Variants in GLI3 observed in about 807,000 individuals in gnomAD.
The protein encoded by GLI3 is GLI family zinc finger 3, also known as transcription activator GLI3.
Under a neutral mutation model 100.8 loss-of-function variants are expected in GLI3, and 20 were observed. That is an observed-to-expected ratio of 0.20 (90% confidence interval 0.14 to 0.29). The LOEUF is 0.29. Among genes scored for constraint, GLI3 ranks in the 10% least tolerant of loss-of-function variants. The pLI is 1.00. For synonymous variants in GLI3, 938 were observed against 860.5 expected (o/e 1.09, Z -1.58); for missense variants, 2,040 against 2,128.5 (o/e 0.96, Z 0.82).
chr7:42,108,263 C>T (rs1785623101), intron 3 of GLI3, among the ~76,000 whole-genome samples: 1 of 152,144 alleles, frequency 6.6e-6, no homozygotes, highest in Non-Finnish European at 1.5e-5. Flanking sequence ...TTGTACAGCC[C>T]ACCACGGAAT....
chr7:42,157,148 T>C (rs1319563764), intron 2 of GLI3, among the ~76,000 whole-genome samples: 1 of 152,194 alleles, frequency 6.6e-6, no homozygotes, highest in Non-Finnish European at 1.5e-5. Flanking sequence ...CTACACTCAA[T>C]CAGCCTCTGG....
intron 2 of GLI3, among the ~76,000 whole-genome samples, chr7:42,183,419 A>G (rs1787656695): frequency 6.6e-6 from 1 of 152,162 alleles, no homozygotes; most frequent in Non-Finnish European, 1.5e-5. Context: ...GGGGCAAATC[A>G]GGAAGGGGCC....
chr7:42,231,019 T>C (rs1001926762), intron 1 of GLI3, among the ~76,000 whole-genome samples: 3 of 152,238 alleles, frequency 2.0e-5, no homozygotes, highest in African/African-American at 7.2e-5. Context: ...CTGAGGCTTA[T>C]AGGAATTAAA....
chr7:42,053,577 G>A (rs951999526), intron 4 of GLI3, among the ~76,000 whole-genome samples: 4 of 152,136 alleles, frequency 2.6e-5, no homozygotes, highest in African/African-American at 9.7e-5. Flanking sequence ...ATTAAAAGTA[G>A]TGCCAGGAAA....
At chr7:42,209,986 G>GGA (rs1788231775) in intron 2 of GLI3, among the ~76,000 whole-genome samples, 1 of 33,272 alleles carries the variant, frequency 3.0e-5, no homozygotes, top group Admixed American at 5.9e-4. Context: ...TTAAGAATCT[G>GGA]AAAAAAAAAA....
intron 9 of GLI3, 47 bp downstream of exon 9, chr7:42,025,217 A>G: frequency 8.0e-7 from 1 of 1,248,476 alleles, no homozygotes; most frequent in South Asian, 1.2e-5. Flanking sequence ...CAAAGACACC[A>G]GTCTTGGGAG....
chr7:42,209,664 C>T (rs773677278), intron 2 of GLI3, among the ~76,000 whole-genome samples: 5 of 152,056 alleles, frequency 3.3e-5, no homozygotes, highest in Non-Finnish European at 5.9e-5. Context: ...CCAAGTCCTT[C>T]GTTTTCACAG....
At position 42,076,774 on chromosome 7, in the gene GLI3, A is replaced by T; in HGVS notation, c.451T>A (p.Ser151Thr). The change falls in exon 4 of 15, where the codon TCT (serine) becomes ACT (threonine). Residue 151 changes from serine to threonine, a missense_variant. Physicochemically the swap from Ser to Thr is moderately conservative, Grantham distance 58 (BLOSUM62 1). Transcript: ENST00000395925. ...TACATATGCAATGGAGGAATCGGAG[A>T]TGGATCGTAATGGTAACGGCCCTCA... ...HHEGRYHYDP[S>T]PIPPLHMTSA... 1 of 1,603,734 alleles carries T rather than the reference A, an allele frequency of 6.2e-7. No homozygotes were observed. The highest frequency in any genetic ancestry group is 8.5e-7 in the Non-Finnish European group (1 of 1,170,474).
intron 2 of GLI3, among the ~76,000 whole-genome samples, chr7:42,174,014 G>A (rs1376268189): frequency 6.6e-6 from 1 of 152,074 alleles, no homozygotes; most frequent in Non-Finnish European, 1.5e-5. Context: ...AGGCCAAAAG[G>A]CAAATGGAAA....
intron 3 of GLI3, among the ~76,000 whole-genome samples, chr7:42,130,810 A>T (rs189022887): frequency 8.1e-4 from 124 of 152,348 alleles, no homozygotes; most frequent in East Asian, 7.3e-3. Context: ...AATAAAAATT[A>T]AATTAAAACA....
intron 4 of GLI3, among the ~76,000 whole-genome samples, chr7:42,064,016 T>C (rs1784625070): frequency 6.6e-6 from 1 of 152,230 alleles, no homozygotes; most frequent in Non-Finnish European, 1.5e-5. Context: ...CCAAAGGGAA[T>C]CTATTTAAAT....
chr7:41,982,585 T>C (rs753010148), intron 10 of GLI3, among the ~76,000 whole-genome samples: 67 of 151,064 alleles, frequency 4.4e-4, no homozygotes, highest in Middle Eastern at 3.5e-3. Flanking sequence ...GCTTGTAGTC[T>C]CAGCCACTTG....
intron 2 of GLI3, among the ~76,000 whole-genome samples, chr7:42,215,890 T>C (rs202068693): frequency 8.3e-6 from 1 of 121,170 alleles, no homozygotes. Flanking sequence ...AATCCTCAAT[T>C]AGCCAATCCT....
At chr7:42,223,047 G>A in intron 2 of GLI3, 83 bp downstream of exon 2, 1 of 1,532,900 alleles carries the variant, frequency 6.5e-7, no homozygotes, top group Non-Finnish European at 9.0e-7. Context: ...ACTGGTCCAG[G>A]TGCAAACGCT....
chr7:41,977,565 G>T lies in GLI3; in HGVS notation c.1805C>A (p.Ser602Tyr). 6.2e-7 allele frequency: 1 copy of T among 1,614,148 alleles called. No individual in the cohort carries two copies. Among genetic ancestry groups the T allele is most frequent in the East Asian group, 2.2e-5 (1 of 44,878 alleles). Residue 602 changes from serine (S) to tyrosine (Y), a missense_variant, in exon 12 of 15, where the codon TCC (serine) becomes TAC (tyrosine). Ser to Tyr is a moderately radical substitution (Grantham distance 144). This residue lies in a region of GLI3 where 61 missense variants were observed against 150.9 expected (regional missense o/e 0.40). Coordinates refer to ENST00000395925, the MANE Select transcript of GLI3 (RefSeq NM_000168.6). ...CCCACTGAGGATGCTTACCTCATTGGAATGCGTTCTGTTTTGGTGTTTGGC... is the reference window on the plus strand; with the variant it reads ...CCCACTGAGGATGCTTACCTCATTGTAATGCGTTCTGTTTTGGTGTTTGGC... ...DRAKHQNRTHSNEKPYVCKIP... is the reference protein window; with the variant it reads ...DRAKHQNRTHYNEKPYVCKIP...
chr7:42,034,849 T>C (rs1214498481), intron 7 of GLI3, among the ~76,000 whole-genome samples: 1 of 152,160 alleles, frequency 6.6e-6, no homozygotes, highest in African/African-American at 2.4e-5. Context: ...CATTCATTCG[T>C]TTATTAATAT....
intron 3 of GLI3, among the ~76,000 whole-genome samples, chr7:42,135,884 T>A (rs1450519933): frequency 6.6e-6 from 1 of 152,156 alleles, no homozygotes; most frequent in Non-Finnish European, 1.5e-5. Context: ...CTCTCTCACT[T>A]TTTTTCTCTT....
At chr7:42,197,297 A>C (rs1787946530) in intron 2 of GLI3, among the ~76,000 whole-genome samples, 1 of 152,236 alleles carries the variant, frequency 6.6e-6, no homozygotes, top group Non-Finnish European at 1.5e-5. Flanking sequence ...CTCCATTTTT[A>C]GGCTTTATTT....
At chr7:42,110,772 A>G (rs1475894204) in intron 3 of GLI3, among the ~76,000 whole-genome samples, 1 of 152,242 alleles carries the variant, frequency 6.6e-6, no homozygotes, top group Admixed American at 6.5e-5. Flanking sequence ...AAATGAATAA[A>G]TAATGGAACC....
Sources: gnomAD v4.1 joint callset for allele counts (sites outside exome capture counted in the v4.1 genomes callset) on GRCh38, gnomAD v4.1.1 for gene constraint, gnomAD v4.1.1 regional missense constraint, MANE v1.5 for transcripts, NCBI Gene and HGNC (gene_info 2026-07-23, HGNC 2026-07-21) for gene names.